Variants in PRLR observed in about 807,000 individuals in gnomAD.
The protein encoded by PRLR is prolactin receptor.
In PRLR, 13 loss-of-function variants were observed where a neutral mutation model predicts 40.2. The ratio of observed to expected loss-of-function variants is 0.32; its 90% confidence interval spans 0.21 to 0.51. The LOEUF (loss-of-function observed/expected upper bound fraction) is 0.51. PRLR is among the 20% of genes least tolerant of loss of function. The pLI, the probability that PRLR is intolerant of heterozygous loss-of-function variation, is 0.97. For synonymous variants in PRLR, 269 were observed against 278.7 expected, an observed-to-expected ratio of 0.97 and a Z score of 0.35; for missense variants, 656 against 747.3, an observed-to-expected ratio of 0.88 and a Z score of 1.42.
intron 2 of PRLR, among the ~76,000 whole-genome samples, chr5:35,113,786 A>G (rs1187664847): frequency 6.6e-6 from 1 of 152,230 alleles, no homozygotes; most frequent in Non-Finnish European, 1.5e-5. Flanking sequence ...GACCTGGCCT[A>G]GGAGGCCAGG....
intron 4 of PRLR, among the ~76,000 whole-genome samples, chr5:35,085,171 A>C (rs1214771951): frequency 6.6e-6 from 1 of 152,224 alleles, no homozygotes; most frequent in Admixed American, 6.5e-5. Flanking sequence ...CGTTGAGAGG[A>C]GGTATTTCAA....
Position 35,065,955 on chromosome 5 carries a change from T to G in PRLR, c.1003A>C (p.Ser335Arg), listed in dbSNP as rs1176242279. The G allele has an allele frequency of 5.0e-6, 8 of 1,614,042 alleles. No homozygotes were observed. The highest frequency in any genetic ancestry group is 2.2e-5 in the East Asian group (1 of 44,894). The change falls in exon 10 of 10, where the codon AGT (serine) becomes CGT (arginine). Residue 335 changes from serine (S) to arginine (R), a missense_variant. This residue lies in a region of PRLR where 469 missense variants were observed against 491.5 expected (regional missense o/e 0.95). Coordinates refer to ENST00000618457, the MANE Select transcript of PRLR (RefSeq NM_000949.7). The part of the protein sequence containing the change: ...LMSVHSKEHP[S>R]QGMKPTYLDP... ...AGGTATGTGGGTTTCATACCTTGAC[T>G]TGGGTGTTCTTTTGAATGGACTGAC...
intron 1 of PRLR, among the ~76,000 whole-genome samples, chr5:35,226,220 G>A (rs536192523): frequency 3.9e-5 from 6 of 152,086 alleles, no homozygotes; most frequent in Non-Finnish European, 8.8e-5. Context: ...TCCTTCTATC[G>A]GCTTCCTTAC....
intron 1 of PRLR, among the ~76,000 whole-genome samples, chr5:35,167,817 T>C (rs1331618624): frequency 6.6e-6 from 1 of 151,742 alleles, no homozygotes; most frequent in Admixed American, 6.6e-5. Flanking sequence ...ACAAAGAAGA[T>C]AAATGAAAAT....
intron 1 of PRLR, among the ~76,000 whole-genome samples, chr5:35,210,719 CT>C (rs1009079666): frequency 1.1e-4 from 17 of 151,202 alleles, no homozygotes; most frequent in African/African-American, 3.6e-4. Flanking sequence ...ATCTCTTCCT[CT>C]TTTTTTTTGA....
At chr5:35,133,691 C>T (rs574662089) in intron 1 of PRLR, among the ~76,000 whole-genome samples, 1 of 152,172 alleles carries the variant, frequency 6.6e-6, no homozygotes, top group East Asian at 1.9e-4. Flanking sequence ...TCAGATTAAG[C>T]AGTTTTCAAT....
intron 1 of PRLR, among the ~76,000 whole-genome samples, chr5:35,221,192 G>A (rs1354543843): frequency 6.6e-6 from 1 of 152,146 alleles, no homozygotes; most frequent in African/African-American, 2.4e-5. Context: ...TTTTAATAAG[G>A]GTGTGAACAG....
intron 2 of PRLR, among the ~76,000 whole-genome samples, chr5:35,095,770 C>T (rs1771500929): frequency 6.6e-6 from 1 of 152,324 alleles, no homozygotes; most frequent in South Asian, 2.1e-4. Flanking sequence ...ATCTTGTACC[C>T]TGTTTTGAGG....
rs1481286741 is a variant in PRLR at position 35,056,870 on chromosome 5, A to C, written c.*8219T>G. 6.6e-6 allele frequency: 1 copy of C among 152,188 alleles called. No homozygotes were observed. Among genetic ancestry groups the C allele is most frequent in the Non-Finnish European group, 1.5e-5 (1 of 68,022 alleles). The allele number at this position is 152,188 out of a possible 1,614,324, so 9.4% of individuals were successfully genotyped here. On this transcript the variant is annotated 3_prime_UTR_variant, in exon 10 of 10. Transcript: ENST00000618457. The stretch of plus-strand genomic sequence containing the variant: ...GAAATTTCTCATTCTTCTGTAAGAC[A>C]TGGAATTAGAGAATTAAGAGGAGGC...
At chr5:35,155,716 C>T (rs984577250) in intron 1 of PRLR, among the ~76,000 whole-genome samples, 1 of 152,200 alleles carries the variant, frequency 6.6e-6, no homozygotes, top group Non-Finnish European at 1.5e-5. Context: ...TAATAGAAGT[C>T]ACTCCCAGGG....
At chr5:35,192,680 CA>C (rs1775638685) in intron 1 of PRLR, among the ~76,000 whole-genome samples, 1 of 152,146 alleles carries the variant, frequency 6.6e-6, no homozygotes, top group African/African-American at 2.4e-5. Context: ...CACAAATGAA[CA>C]AGAAAATAAG....
chr5:35,188,185 A>C (rs73766770), intron 1 of PRLR, among the ~76,000 whole-genome samples: 5,051 of 152,312 alleles, frequency 0.033, 304 homozygotes, highest in African/African-American at 0.11. Context: ...TTTCGAGTTC[A>C]GCTCTTGCTA....
At chr5:35,206,415 T>C (rs1272323760) in intron 1 of PRLR, among the ~76,000 whole-genome samples, 1 of 152,130 alleles carries the variant, frequency 6.6e-6, no homozygotes, top group Non-Finnish European at 1.5e-5. Context: ...TGCTCAGGAA[T>C]GTATTGTAAA....
intron 5 of PRLR, among the ~76,000 whole-genome samples, chr5:35,074,591 A>G (rs909923753): frequency 4.6e-5 from 7 of 151,210 alleles, no homozygotes; most frequent in Non-Finnish European, 1.0e-4. Context: ...AGGAAGGGAG[A>G]AATGAGAAGT....
At chr5:35,114,359 G>T (rs1236098859) in intron 2 of PRLR, among the ~76,000 whole-genome samples, 1 of 152,180 alleles carries the variant, frequency 6.6e-6, no homozygotes, top group East Asian at 1.9e-4. Flanking sequence ...TCAGTCAACT[G>T]TTGTGAGGAT....
intron 1 of PRLR, among the ~76,000 whole-genome samples, chr5:35,219,663 C>A (rs375568331): frequency 6.6e-6 from 1 of 152,046 alleles, no homozygotes; most frequent in Non-Finnish European, 1.5e-5. Context: ...CCAGCACTTA[C>A]GAAAAGCACA....
At position 35,072,624 on chromosome 5, in the gene PRLR, G is replaced by A. The variant is rs758916277; in HGVS notation, c.494C>T (p.Thr165Met). The change falls in exon 6 of 10, where the codon ACG becomes ATG. Residue 165 changes from threonine (T) to methionine (M), a missense_variant. Around this residue, in one of 3 missense-constraint regions of PRLR, gnomAD observed 180 missense variants for 236.8 expected, o/e 0.76. Transcript: ENST00000618457. Reference sequence around the variant, plus strand: ...TTTTAATCGAATTTCATACAGGAGCGTGAACCAACCAGTTTTTAAGTCAAT... The same window carrying A: ...TTTTAATCGAATTTCATACAGGAGCATGAACCAACCAGTTTTTAAGTCAAT... The part of the protein sequence containing the change: ...TLIDLKTGWF[T>M]LLYEIRLKPE... 1.9e-5 allele frequency: 30 copies of A among 1,614,002 alleles called. No individual in the cohort carries two copies. Among genetic ancestry groups the A allele is most frequent in the East Asian group, 1.3e-4 (6 of 44,892 alleles).
intron 2 of PRLR, among the ~76,000 whole-genome samples, chr5:35,098,458 C>T (rs916690374): frequency 6.6e-6 from 1 of 152,100 alleles, no homozygotes; most frequent in South Asian, 2.1e-4. Flanking sequence ...AGAGATGTCA[C>T]GGTTGTTTGT....
chr5:35,219,751 G>T (rs766549827), intron 1 of PRLR, among the ~76,000 whole-genome samples: 1 of 152,200 alleles, frequency 6.6e-6, no homozygotes, highest in Non-Finnish European at 1.5e-5. Flanking sequence ...GGCAAAAGCA[G>T]CAAACAGAAG....
Sources: gnomAD v4.1 joint callset for allele counts (sites outside exome capture counted in the v4.1 genomes callset) on GRCh38, gnomAD v4.1.1 for gene constraint, gnomAD v4.1.1 regional missense constraint, MANE v1.5 for transcripts, NCBI Gene and HGNC (gene_info 2026-07-23, HGNC 2026-07-21) for gene names.